MMP26: variants seen among roughly 807,000 people sequenced by gnomAD.
MMP26 encodes the protein matrix metallopeptidase 26.
MMP26 carries 33 observed loss-of-function variants against 31.0 expected under a neutral mutation model. The ratio of observed to expected loss-of-function variants is 1.06; its 90% CI spans 0.81 to 1.42. The LOEUF (loss-of-function observed/expected upper bound fraction) is 1.42, where lower values mean the gene tolerates loss of function less well. Among genes scored for constraint, MMP26 ranks in the 40% most tolerant of loss-of-function variants. The pLI, the probability that MMP26 is intolerant of heterozygous loss-of-function variation, is 0.00. For missense variants in MMP26, 347 were observed against 316.1 expected, an observed-to-expected ratio of 1.10 and a Z score of -0.74; for synonymous variants, 122 against 114.9, an observed-to-expected ratio of 1.06 and a Z score of -0.40.
intron 2 of MMP26, among the ~76,000 whole-genome samples, chr11:4,852,084 G>A (rs1849983560): frequency 6.6e-6 from 1 of 152,072 alleles, no homozygotes; most frequent in South Asian, 2.1e-4. Flanking sequence ...ATAGTTGAAA[G>A]TAAGAAGGTC....
chr11:4,971,772 G>A (rs904116002), intron 2 of MMP26, among the ~76,000 whole-genome samples: 3 of 152,270 alleles, frequency 2.0e-5, no homozygotes, highest in Non-Finnish European at 2.9e-5. Flanking sequence ...TGGTTCTGGC[G>A]AGATCCTCAG....
In MMP26 at chr11:4,866,932, C is replaced by T. The variant is rs1300493755; in HGVS notation, c.-145+99591C>T. On this transcript the variant is annotated intron_variant, in intron 2 of 7. Coordinates refer to ENST00000380390, the MANE Select transcript of MMP26 (RefSeq NM_021801.5). ...TCCTTACACCATACACAAAAATCAA[C>T]TCAAGATGGACTAAACACTTAAATG... Among the ~76,000 whole-genome samples, 3 of 152,070 alleles carry T rather than the reference C, an allele frequency of 2.0e-5. No homozygotes were observed. The South Asian group carries it at 6.2e-4, about 32-fold the overall frequency.
intron 2 of MMP26, among the ~76,000 whole-genome samples, chr11:4,824,611 A>G (rs921650652): frequency 6.6e-6 from 1 of 152,122 alleles, no homozygotes; most frequent in Non-Finnish European, 1.5e-5. Flanking sequence ...TCATGGAGAA[A>G]ATAATCATGT....
At chr11:4,731,411 A>G (rs1848171698) in intron 1 of MMP26, among the ~76,000 whole-genome samples, 1 of 152,132 alleles carries the variant, frequency 6.6e-6, no homozygotes, top group African/African-American at 2.4e-5. Flanking sequence ...TTAAATGTAT[A>G]GCTCATTTGT....
intron 1 of MMP26, among the ~76,000 whole-genome samples, chr11:4,750,779 G>A (rs112965723): frequency 0.065 from 9,933 of 151,978 alleles, 395 homozygotes; most frequent in Non-Finnish European, 0.096. Flanking sequence ...AGGGTAGGAG[G>A]GTGGAAGTGG....
chr11:4,712,099 T>C (rs1847869882), intron 1 of MMP26: 1 of 152,202 alleles, frequency 6.6e-6, no homozygotes, highest in African/African-American at 2.4e-5. Context: ...AGTGCTTTAT[T>C]AATAATAGCT....
intron 1 of MMP26, chr11:4,711,157 A>G (rs545524719): frequency 3.9e-5 from 6 of 152,336 alleles, no homozygotes; most frequent in Admixed American, 6.5e-5. Flanking sequence ...TTCATTATAC[A>G]TTGCAATGAA....
At chr11:4,934,595 C>T (rs980483947) in intron 2 of MMP26, among the ~76,000 whole-genome samples, 3 of 145,472 alleles carry the variant, frequency 2.1e-5, no homozygotes, top group Admixed American at 7.0e-5. Context: ...TCCCATTTGT[C>T]AATTTTGTCT....
intron 2 of MMP26, among the ~76,000 whole-genome samples, chr11:4,873,861 G>A (rs1342150337): frequency 6.6e-6 from 1 of 152,006 alleles, no homozygotes; most frequent in Non-Finnish European, 1.5e-5. Flanking sequence ...ACTTGTTCAA[G>A]GTCATAGAGC....
chr11:4,765,006 C>T (rs1429080276), intron 1 of MMP26, among the ~76,000 whole-genome samples: 1 of 152,174 alleles, frequency 6.6e-6, no homozygotes, highest in Non-Finnish European at 1.5e-5. Flanking sequence ...TGTTGAGCAA[C>T]CCACAGCTGC....
chr11:4,984,088 C>T (rs1242376917), intron 2 of MMP26, among the ~76,000 whole-genome samples: 2 of 152,010 alleles, frequency 1.3e-5, no homozygotes, highest in Admixed American at 6.5e-5. Context: ...TCATCTGTGC[C>T]GGCCCTATCG....
rs77943153 is a variant in MMP26, at chr11:4,831,581, A to G, written c.-145+64240A>G. ...CCCCACATGTTGTACAAAACAGGCC[A>G]TGGGCTGAGTTTGACTCTGCATTAC... On this transcript the variant is annotated intron_variant, in intron 2 of 7. Transcript: ENST00000380390. Among the ~76,000 whole-genome samples, 539 of 152,316 alleles carry G rather than the reference A, an allele frequency of 3.5e-3. 3 individuals carry two copies. The highest frequency in any genetic ancestry group is 0.01 in the African/African-American group (428 of 41,560).
intron 2 of MMP26, among the ~76,000 whole-genome samples, chr11:4,788,688 G>A (rs555525446): frequency 1.3e-5 from 2 of 152,158 alleles, no homozygotes; most frequent in Non-Finnish European, 2.9e-5. Context: ...AGCTTTAGAG[G>A]TGCCAGTTTG....
chr11:4,894,643 G>A (rs1026746295), intron 2 of MMP26, among the ~76,000 whole-genome samples: 1 of 152,044 alleles, frequency 6.6e-6, no homozygotes, highest in African/African-American at 2.4e-5. Context: ...GATTGTAGTA[G>A]CAAAACTCAG....
At chr11:4,808,523 C>T (rs1049165970) in intron 2 of MMP26, among the ~76,000 whole-genome samples, 2 of 152,030 alleles carry the variant, frequency 1.3e-5, no homozygotes, top group African/African-American at 4.8e-5. Context: ...GCCCATGAGC[C>T]TTAATGGAGA....
chr11:4,871,009 C>G (rs2133526198), intron 2 of MMP26, among the ~76,000 whole-genome samples: 1 of 151,988 alleles, frequency 6.6e-6, no homozygotes, highest in Admixed American at 6.6e-5. Context: ...GACATATAAT[C>G]AAAGAATAAT....
chr11:4,964,728 C>G (rs1846566569), intron 2 of MMP26, among the ~76,000 whole-genome samples: 1 of 152,140 alleles, frequency 6.6e-6, no homozygotes, highest in Admixed American at 6.5e-5. Flanking sequence ...CCATGGAATA[C>G]TATGCAGCTG....
At chr11:4,709,120 T>C (rs1028929200) in intron 1 of MMP26, among the ~76,000 whole-genome samples, 2 of 152,178 alleles carry the variant, frequency 1.3e-5, no homozygotes, top group Non-Finnish European at 2.9e-5. Context: ...CTTATAAACT[T>C]TAATGCACCT....
intron 2 of MMP26, among the ~76,000 whole-genome samples, chr11:4,894,539 A>G (rs1332557004): frequency 6.6e-6 from 1 of 151,422 alleles, no homozygotes; most frequent in Non-Finnish European, 1.5e-5. Context: ...ATTGCCCTAT[A>G]GAGTCCCATC....
Sources: gnomAD v4.1 joint callset for allele counts (sites outside exome capture counted in the v4.1 genomes callset) on GRCh38, gnomAD v4.1.1 for gene constraint, MANE v1.5 for transcripts, NCBI Gene and HGNC (gene_info 2026-07-23, HGNC 2026-07-21) for gene names.